The following EML6 variants were observed in gnomAD, a reference collection of about 807,000 sequenced individuals.
EML6 encodes the protein echinoderm microtubule-associated protein-like 6.
EML6 carries 154 observed loss-of-function variants against 240.1 expected under a neutral mutation model. That is an observed-to-expected ratio of 0.64 (90% CI 0.56 to 0.73). The LOEUF is 0.73. Ranked by LOEUF, EML6 falls within the 30% of genes least tolerant of loss-of-function variation. The probability of loss-of-function intolerance (pLI) is 0.00; values close to 1 mark genes in which losing one functional copy is unlikely to be tolerated. For missense variants in EML6, 2,964 were observed against 2,474.6 expected (o/e 1.20, Z -4.20); for synonymous variants, 1,148 against 899.0 (o/e 1.28, Z -4.95).
chr2:54,828,889 G>A (rs990356179), intron 6 of EML6, among the ~76,000 whole-genome samples: 4 of 152,190 alleles, frequency 2.6e-5, no homozygotes, highest in African/African-American at 9.7e-5. Context: ...TGATACCTTT[G>A]TGAGCTCACT....
chr2:54,913,536 A>G (rs994080122), intron 25 of EML6, among the ~76,000 whole-genome samples: 4 of 151,994 alleles, frequency 2.6e-5, no homozygotes, highest in Non-Finnish European at 4.4e-5. Context: ...TTCCTTTTAG[A>G]TTCTGGATAT....
intron 11 of EML6, among the ~76,000 whole-genome samples, chr2:54,856,895 T>A (rs1381239669): frequency 1.3e-5 from 2 of 152,054 alleles, no homozygotes; most frequent in East Asian, 3.9e-4. Context: ...GGAGTCCAGG[T>A]AAGAGATGGT....
chr2:54,849,592 C>T (rs1012769399), intron 9 of EML6, among the ~76,000 whole-genome samples: 2 of 152,184 alleles, frequency 1.3e-5, no homozygotes, highest in African/African-American at 2.4e-5. Flanking sequence ...AGGTTCACGC[C>T]ATTCTCCTGC....
chr2:54,819,524 TC>T (rs1331550821), intron 4 of EML6, among the ~76,000 whole-genome samples: 5 of 152,154 alleles, frequency 3.3e-5, no homozygotes, highest in Non-Finnish European at 7.3e-5. Context: ...ATGCCTGTAA[TC>T]CCAGCACTTT....
intron 2 of EML6, among the ~76,000 whole-genome samples, chr2:54,794,349 C>T (rs1222214631): frequency 6.6e-6 from 1 of 152,154 alleles, no homozygotes; most frequent in Non-Finnish European, 1.5e-5. Context: ...GCCCTTTTCT[C>T]TGTTCTTATT....
chr2:54,965,513 G>T (rs577713820), intron 38 of EML6, among the ~76,000 whole-genome samples: 1 of 152,288 alleles, frequency 6.6e-6, no homozygotes, highest in South Asian at 2.1e-4. Context: ...CGGGAGACCG[G>T]AGTTTTATTA....
Position 54,958,006 on chromosome 2 carries a change from C to A in EML6, c.4695+8C>A. 6.5e-7 allele frequency: 1 copy of A among 1,544,334 alleles called. No homozygotes were observed. The highest frequency in any genetic ancestry group is 8.8e-7 in the Non-Finnish European group (1 of 1,141,662). On this transcript the variant is annotated splice_region_variant and intron_variant, in intron 33 of 41. Transcript: ENST00000356458. ...TCCGTGGCCTTCGGTGCTGTGAGTTCTAGCAGATACTCCCTGAGAAGGGGA... is the reference window on the plus strand; with the variant it reads ...TCCGTGGCCTTCGGTGCTGTGAGTTATAGCAGATACTCCCTGAGAAGGGGA...
At chr2:54,823,428 T>C (rs908289876) in intron 5 of EML6, among the ~76,000 whole-genome samples, 2 of 149,490 alleles carry the variant, frequency 1.3e-5, no homozygotes, top group Non-Finnish European at 3.0e-5. Context: ...AGATTACCAA[T>C]GTTTTCATCA....
chr2:54,736,753 C>T (rs1164275816), intron 2 of EML6, among the ~76,000 whole-genome samples: 1 of 152,154 alleles, frequency 6.6e-6, no homozygotes, highest in African/African-American at 2.4e-5. Context: ...CCCTGGTTTT[C>T]TCTTACCTCC....
At chr2:54,860,654 T>A (rs1670625453) in intron 12 of EML6, among the ~76,000 whole-genome samples, 1 of 152,200 alleles carries the variant, frequency 6.6e-6, no homozygotes, top group African/African-American at 2.4e-5. Flanking sequence ...AGGAAATGCA[T>A]CCTAAACCTC....
intron 16 of EML6, among the ~76,000 whole-genome samples, chr2:54,874,944 A>G (rs1332095611): frequency 6.6e-6 from 1 of 152,186 alleles, no homozygotes; most frequent in Non-Finnish European, 1.5e-5. Context: ...GAGAGCCACC[A>G]GGCCTGGGTT....
chr2:54,751,873 A>C (rs1684183067), intron 2 of EML6, among the ~76,000 whole-genome samples: 1 of 152,216 alleles, frequency 6.6e-6, no homozygotes, highest in African/African-American at 2.4e-5. Context: ...TGAAACTTTT[A>C]TCATCCAGTT....
chr2:54,855,459 C>T (rs1235776028), intron 11 of EML6, among the ~76,000 whole-genome samples: 1 of 9,090 alleles, frequency 1.1e-4, no homozygotes, highest in Non-Finnish European at 1.7e-4. Context: ...TTCTACCATG[C>T]CCCCCCCCCG....
chr2:54,881,118 A>G (rs539198560), intron 17 of EML6: 55 of 152,350 alleles, frequency 3.6e-4, no homozygotes, highest in African/African-American at 1.2e-3. Flanking sequence ...GGATACCTGC[A>G]GAATTGCCCA....
chr2:54,809,677 G>A (rs1002935672), intron 2 of EML6, among the ~76,000 whole-genome samples: 1 of 152,122 alleles, frequency 6.6e-6, no homozygotes, highest in East Asian at 1.9e-4. Flanking sequence ...TTCCAAAGAT[G>A]TGTGGAATTT....
chr2:54,724,473 G>T lies in EML6; in HGVS notation c.-513-76G>T, dbSNP rs1199134096. 6.6e-6 allele frequency: 1 copy of T among 151,970 alleles called. No homozygotes were observed. The highest frequency in any genetic ancestry group is 1.5e-5 in the Non-Finnish European group (1 of 67,980). The allele number at this position is 151,970 out of a possible 1,614,324, so 9.4% of individuals were successfully genotyped here. A position where few individuals can be genotyped will look rare whatever the true frequency, so the allele number is the denominator to read the frequency against. On this transcript the variant is annotated intron_variant, in intron 1 of 41. Transcript: ENST00000356458. The surrounding 1 kb of genome is among the most constrained non-coding windows in gnomAD (Gnocchi z 5.2). ...AAATACCCAACTTGGTTTAGTTTGG[G>T]GATAATTTTCTTGGATTGGGTGACT...
chr2:54,851,738 T>G (rs17417648), intron 10 of EML6, among the ~76,000 whole-genome samples: 9,866 of 152,302 alleles, frequency 0.065, 417 homozygotes, highest in South Asian at 0.15. Context: ...CATTGTTCAT[T>G]AATGTGTACC....
intron 17 of EML6, among the ~76,000 whole-genome samples, chr2:54,884,657 T>C (rs1214935296): frequency 1.3e-5 from 2 of 152,204 alleles, no homozygotes; most frequent in African/African-American, 2.4e-5. Flanking sequence ...AGACCACATA[T>C]GTATTTTGTA....
At chr2:54,817,904 C>T (rs1668150208) in intron 4 of EML6, among the ~76,000 whole-genome samples, 1 of 151,868 alleles carries the variant, frequency 6.6e-6, no homozygotes, top group Admixed American at 6.6e-5. Context: ...ATCAAGTCTT[C>T]AGAAAGCTCA....
Sources: gnomAD v4.1 joint callset for allele counts (sites outside exome capture counted in the v4.1 genomes callset) on GRCh38, gnomAD v4.1.1 for gene constraint, Gnocchi (gnomAD v3.1) non-coding constraint, MANE v1.5 for transcripts, NCBI Gene and HGNC (gene_info 2026-07-23, HGNC 2026-07-21) for gene names.